DPYSL2: variants seen among roughly 807,000 people sequenced by gnomAD.
DPYSL2 encodes the protein dihydropyrimidinase-related protein 2.
A neutral mutation model predicts 69.9 loss-of-function variants in DPYSL2; 13 were observed. The ratio of observed to expected loss-of-function variants is 0.19; its 90% confidence interval spans 0.12 to 0.30. DPYSL2 has a LOEUF of 0.30. Among genes scored for constraint, DPYSL2 ranks in the 10% least tolerant of loss-of-function variants. The pLI is 1.00. For synonymous variants in DPYSL2, 326 were observed against 359.1 expected (o/e 0.91, Z 1.04); for missense variants, 587 against 918.9 (o/e 0.64, Z 4.67).
chr8:26,526,109 T>C (rs1808471095), intron 1 of DPYSL2, among the ~76,000 whole-genome samples: 1 of 152,192 alleles, frequency 6.6e-6, no homozygotes, highest in South Asian at 2.1e-4. Context: ...TATTTTATTT[T>C]TTCGAGATGA....
rs1461889375 is a variant in DPYSL2 at position 26,630,593 on chromosome 8, TCTC to T, written c.1005+2656_1005+2658del. 1.1e-4 allele frequency among the ~76,000 whole-genome samples: 13 copies of T among 116,164 alleles called. No individual in the cohort carries two copies. In the East Asian group the frequency reaches 3.5e-3, roughly 31 times the overall value. 76.2% of individuals were successfully genotyped at this position (116,164 alleles called of 152,430 possible). ...ACTGTCCTGTGCAGGAGGTACAACA[TCTC>T]CTTCCCACAACTCCAGGGATGCCAT... On this transcript the variant is annotated intron_variant, in intron 7 of 13. Coordinates refer to ENST00000521913, the MANE Select transcript of DPYSL2 (RefSeq NM_001197293.3).
At chr8:26,622,477 T>TGC (rs1802518326) in intron 3 of DPYSL2, among the ~76,000 whole-genome samples, 1 of 77,968 alleles carries the variant, frequency 1.3e-5, no homozygotes, top group Non-Finnish European at 2.7e-5. Context: ...TGTGTGTATA[T>TGC]GTGTGTGTGT....
chr8:26,624,403 C>A lies in DPYSL2; in HGVS notation c.793+96C>A. 1 of 1,460,472 alleles carries A rather than the reference C, an allele frequency of 6.8e-7. No homozygotes were observed. 90.5% of individuals were successfully genotyped at this position (1,460,472 alleles called of 1,614,324 possible). On this transcript the variant is annotated intron_variant, in intron 4 of 13. Coordinates refer to ENST00000521913, the MANE Select transcript of DPYSL2 (RefSeq NM_001197293.3). This position sits in a 1 kb window ranked among gnomAD's most constrained non-coding sequence, Gnocchi z 4.7. ...AAGAAAGTGATAATGCTTCCAGATC[C>A]CATTTGTGCCTCATGCCCATGCCTG...
In DPYSL2 at chr8:26,518,317, C is replaced by T. The variant is rs537048929; in HGVS notation, c.354+3638C>T. Among the ~76,000 whole-genome samples, 3 of 152,110 alleles carry T rather than the reference C, an allele frequency of 2.0e-5. No individual in the cohort carries two copies. The East Asian group carries it at 5.8e-4, about 29-fold the overall frequency. ...AGGATTCCAAAAAACCTAAGACCCA[C>T]CCGGGTTCAAAAGGAGGAAAGTGGG... On this transcript the variant is annotated intron_variant, in intron 1 of 13. Coordinates refer to ENST00000521913, the MANE Select transcript of DPYSL2 (RefSeq NM_001197293.3).
chr8:26,518,114 C>T (rs1471466301), intron 1 of DPYSL2, among the ~76,000 whole-genome samples: 1 of 152,228 alleles, frequency 6.6e-6, no homozygotes, highest in African/African-American at 2.4e-5. Context: ...GCTCCTCAGG[C>T]AAACAACTGA....
chr8:26,607,014 C>G lies in DPYSL2; in HGVS notation c.629-17129C>G, dbSNP rs200930142. Among the ~76,000 whole-genome samples, 3 of 151,976 alleles carry G rather than the reference C, an allele frequency of 2.0e-5. No homozygotes were observed. The East Asian group carries it at 5.8e-4, about 29-fold the overall frequency. ...AACAAGAGCTGTAAAAATGTGTAAA[C>G]AAAAAAATTCATACGCCTTGACCTA... On this transcript the variant is annotated intron_variant, in intron 3 of 13. Transcript: ENST00000521913.
chr8:26,625,110 A>T (rs939534459), intron 4 of DPYSL2, among the ~76,000 whole-genome samples: 1 of 152,208 alleles, frequency 6.6e-6, no homozygotes. Context: ...TACTAGAATG[A>T]TAGAAAATGC....
chr8:26,577,388 G>A (rs947406203), intron 1 of DPYSL2: 38 of 159,342 alleles, frequency 2.4e-4, no homozygotes, highest in East Asian at 1.9e-4. Flanking sequence ...CGCCAGCAAC[G>A]GCGGGGGAGG....
intron 1 of DPYSL2, among the ~76,000 whole-genome samples, chr8:26,559,582 C>A (rs1801041748): frequency 6.6e-6 from 1 of 151,916 alleles, no homozygotes; most frequent in African/African-American, 2.4e-5. Context: ...CATTTAATTT[C>A]TTTTTTTATG....
intron 3 of DPYSL2, among the ~76,000 whole-genome samples, chr8:26,584,764 C>G (rs1320968969): frequency 6.6e-6 from 1 of 152,004 alleles, no homozygotes; most frequent in Admixed American, 6.6e-5. Flanking sequence ...GGACTACAGG[C>G]ATGCACCCCC....
intron 1 of DPYSL2, among the ~76,000 whole-genome samples, chr8:26,552,711 C>T (rs868527093): frequency 5.9e-5 from 9 of 152,118 alleles, no homozygotes; most frequent in African/African-American, 1.2e-4. Flanking sequence ...ATAACAGACC[C>T]GCTCTTGTGA....
In DPYSL2 at chr8:26,609,868, G is replaced by A. The variant is rs1471163554; in HGVS notation, c.629-14275G>A. Among the ~76,000 whole-genome samples, 1 of 152,188 alleles carries A rather than the reference G, an allele frequency of 6.6e-6. No homozygotes were observed. The highest frequency in any genetic ancestry group is 1.9e-4 in the East Asian group (1 of 5,188). On this transcript the variant is annotated intron_variant, in intron 3 of 13. Transcript: ENST00000521913. The surrounding 1 kb of genome is among the most constrained non-coding windows in gnomAD (Gnocchi z 6.5). ...TGGCAGACTTTGTGGTCAAAACTGG[G>A]AAGTGTCTGTTTCCTTAAAACAGCC...
Position 26,514,214 on chromosome 8 carries a change from G to T in DPYSL2, c.-112G>T. 1 of 992,736 alleles carries T rather than the reference G, an allele frequency of 1.0e-6. No individual in the cohort carries two copies. Among genetic ancestry groups the T allele is most frequent in the Non-Finnish European group, 1.4e-6 (1 of 731,558 alleles). The allele number at this position is 992,736 out of a possible 1,614,324, so 61.5% of individuals were successfully genotyped here. On this transcript the variant is annotated 5_prime_UTR_variant, in exon 1 of 14. Coordinates refer to ENST00000521913, the MANE Select transcript of DPYSL2 (RefSeq NM_001197293.3). The surrounding 1 kb of genome is among the most constrained non-coding windows in gnomAD (Gnocchi z 8.4). Reference sequence around the variant, plus strand: ...CCTTTCTGTGCACCTTGCGGTGGGCGGCGAACGGCAGCCGCGGCAGCAGCT... The same window carrying T: ...CCTTTCTGTGCACCTTGCGGTGGGCTGCGAACGGCAGCCGCGGCAGCAGCT...
rs565000474 is a variant in DPYSL2, at chr8:26,597,384, A to T, written c.628+13401A>T. On this transcript the variant is annotated intron_variant, in intron 3 of 13. Coordinates refer to ENST00000521913, the MANE Select transcript of DPYSL2 (RefSeq NM_001197293.3). This position sits in a 1 kb window ranked among gnomAD's most constrained non-coding sequence, Gnocchi z 5.2. Reference sequence around the variant, plus strand: ...GCACTCATCTTTTGCATTTCTCTGAATCGCTTTGGCGTGGGCTTTTATGAG... The same window carrying T: ...GCACTCATCTTTTGCATTTCTCTGATTCGCTTTGGCGTGGGCTTTTATGAG... Among the ~76,000 whole-genome samples, 3 of 152,318 alleles carry T rather than the reference A, an allele frequency of 2.0e-5. No individual in the cohort carries two copies. Among genetic ancestry groups the T allele is most frequent in the Non-Finnish European group, 4.4e-5 (3 of 68,040 alleles).
chr8:26,556,201 C>CTATATATATAGTA (rs1424705134), intron 1 of DPYSL2, among the ~76,000 whole-genome samples: 1 of 5,386 alleles, frequency 1.9e-4, no homozygotes. Flanking sequence ...ATTATATATA[C>CTATATATATAGTA]TATATATATA....
At position 26,614,072 on chromosome 8, in the gene DPYSL2, G is replaced by A. The variant is rs915020599; in HGVS notation, c.629-10071G>A. ...TTGAGTCCTGGAAATCAAGGCTGCG[G>A]TCAGCCAGATTGCACCACAGCATTC... On this transcript the variant is annotated intron_variant, in intron 3 of 13. Transcript: ENST00000521913. The surrounding 1 kb of genome is among the most constrained non-coding windows in gnomAD (Gnocchi z 4.9). Among the ~76,000 whole-genome samples, 3 of 152,282 alleles carry A rather than the reference G, an allele frequency of 2.0e-5. No homozygotes were observed. The East Asian group carries it at 5.8e-4, about 29-fold the overall frequency.
At chr8:26,550,518 T>C (rs751485189) in intron 1 of DPYSL2, among the ~76,000 whole-genome samples, 12 of 152,066 alleles carry the variant, frequency 7.9e-5, no homozygotes, top group Non-Finnish European at 2.9e-5. Flanking sequence ...TAAAGCAAAA[T>C]AGATGTAACT....
chr8:26,644,111 C>A lies in DPYSL2; in HGVS notation c.1425+20C>A. 6.2e-7 allele frequency: 1 copy of A among 1,612,378 alleles called. No homozygotes were observed. Among genetic ancestry groups the A allele is most frequent in the Non-Finnish European group, 8.5e-7 (1 of 1,178,990 alleles). On this transcript the variant is annotated intron_variant, in intron 10 of 13. Transcript: ENST00000521913. The surrounding 1 kb of genome is among the most constrained non-coding windows in gnomAD (Gnocchi z 4.5). ...GCTGTGGTAAGGAGCGATGGCCTCA[C>A]TCCTTGGTGGCTCTCAGCCTTCCTT... is the stretch of plus-strand genomic sequence containing the variant.
At chr8:26,554,427 G>C (rs1800913436) in intron 1 of DPYSL2, among the ~76,000 whole-genome samples, 1 of 151,512 alleles carries the variant, frequency 6.6e-6, no homozygotes, top group Admixed American at 6.6e-5. Context: ...ACTTTTGCCA[G>C]ATGCGTAGTT....
Sources: allele counts gnomAD v4.1 joint callset (sites outside exome capture counted in the v4.1 genomes callset), GRCh38; gene constraint gnomAD v4.1.1; non-coding constraint Gnocchi (gnomAD v3.1); transcripts MANE v1.5; gene names NCBI Gene and HGNC (gene_info 2026-07-23, HGNC 2026-07-21).